NDUFS1: variants seen among roughly 807,000 people sequenced by gnomAD.
NDUFS1 encodes NADH-ubiquinone oxidoreductase 75 kDa subunit, mitochondrial.
NDUFS1 carries 61 observed loss-of-function variants against 84.4 expected under a neutral mutation model. The observed-to-expected ratio is 0.72, with a 90% CI of 0.59 to 0.89. The LOEUF (loss-of-function observed/expected upper bound fraction) is 0.89. Among genes scored for constraint, NDUFS1 ranks in the 40% least tolerant of loss-of-function variants. The probability of loss-of-function intolerance (pLI) is 0.00; values close to 1 mark genes in which losing one functional copy is unlikely to be tolerated. For missense variants in NDUFS1, 891 were observed against 890.0 expected (o/e 1.00, Z -0.01); for synonymous variants, 275 against 290.0 (o/e 0.95, Z 0.53).
intron 13 of NDUFS1, among the ~76,000 whole-genome samples, chr2:206,137,265 G>A (rs751066632): frequency 2.6e-5 from 4 of 152,108 alleles, no homozygotes; most frequent in Non-Finnish European, 4.4e-5. Flanking sequence ...CACAAAGTCA[G>A]GAGTTGGAGA....
At position 206,116,593 on chromosome 2, in the gene NDUFS1, T is replaced by C; in HGVS notation, c.*7592A>G. On this transcript the variant is annotated 3_prime_UTR_variant, in exon 19 of 19. Coordinates refer to ENST00000233190, the MANE Select transcript of NDUFS1 (RefSeq NM_005006.7). The stretch of plus-strand genomic sequence containing the variant: ...GGCAGAAGTAAATTTCTTTATAAAT[T>C]ACCCAGTCTGGGCCTGGTGTGTTGG... The C allele has an allele frequency of 1.9e-6, 1 of 536,186 alleles. No individual in the cohort carries two copies. Among genetic ancestry groups the C allele is most frequent in the South Asian group, 1.9e-5 (1 of 51,494 alleles). The allele number at this position is 536,186 out of a possible 1,614,324, so 33.2% of individuals were successfully genotyped here.
rs1470438518 is a variant in NDUFS1 at position 206,115,744 on chromosome 2, T to C, written c.*8441A>G. ...AATGGAAAGATCATTAAGTATTTCA[T>C]CCCAAGTCCAGGTATGGACATACAC... On this transcript the variant is annotated 3_prime_UTR_variant, in exon 19 of 19. Coordinates refer to ENST00000233190, the MANE Select transcript of NDUFS1 (RefSeq NM_005006.7). 1.2e-5 allele frequency: 5 copies of C among 404,118 alleles called. No individual in the cohort carries two copies. The highest frequency in any genetic ancestry group is 7.7e-5 in the South Asian group (4 of 51,902). The allele number at this position is 404,118 out of a possible 1,614,324, so 25.0% of individuals were successfully genotyped here. A position where few individuals can be genotyped will look rare whatever the true frequency, so the allele number is the denominator to read the frequency against.
chr2:206,127,362 C>T lies in NDUFS1; in HGVS notation c.1884+435G>A, dbSNP rs543043926. On this transcript the variant is annotated intron_variant, in intron 16 of 18. Coordinates refer to ENST00000233190, the MANE Select transcript of NDUFS1 (RefSeq NM_005006.7). ...CCAGCCTGGCCAACATGGCGAAACCCCATCTCTACTAAAAATATAAAAATT... is the reference window on the plus strand; with the variant it reads ...CCAGCCTGGCCAACATGGCGAAACCTCATCTCTACTAAAAATATAAAAATT... 2.0e-5 allele frequency among the ~76,000 whole-genome samples: 3 copies of T among 152,220 alleles called. No individual in the cohort carries two copies. The East Asian group carries it at 5.8e-4, about 29-fold the overall frequency.
intron 3 of NDUFS1, 114 bp downstream of exon 3, chr2:206,152,305 G>T: frequency 1.3e-6 from 1 of 780,142 alleles, no homozygotes; most frequent in Non-Finnish European, 2.2e-6. Context: ...ATATAACTTT[G>T]CTGTGTATAG....
Position 206,130,199 on chromosome 2 carries a change from C to T in NDUFS1, c.1597G>A (p.Gly533Arg). The change falls in exon 15 of 19, where the codon GGG becomes AGG. Residue 533 changes from glycine to arginine, a missense_variant. Physicochemically the swap from Gly to Arg is moderately radical, Grantham distance 125 (BLOSUM62 -2). Transcript: ENST00000233190. Reference protein sequence around the residue: ...VAALDLGYKPGVEAIRKNPPK... With the variant: ...VAALDLGYKPRVEAIRKNPPK... The stretch of plus-strand genomic sequence containing the variant: ...GGGTTCTTCCGAATTGCTTCCACCC[C>T]AGGCTTATAGCCAAGGTCCAAAGCA... 6.2e-7 allele frequency: 1 copy of T among 1,614,184 alleles called. No homozygotes were observed. Among genetic ancestry groups the T allele is most frequent in the Non-Finnish European group, 8.5e-7 (1 of 1,180,034 alleles).
chr2:206,157,906 C>T (rs944225891), intron 1 of NDUFS1, among the ~76,000 whole-genome samples: 1 of 151,752 alleles, frequency 6.6e-6, no homozygotes, highest in African/African-American at 2.4e-5. Flanking sequence ...TTCTTGCCTT[C>T]CAAGGTACCA....
Position 206,152,519 on chromosome 2 carries a change from C to CAA in NDUFS1, c.62-11_62-10dup. ...TGTGGCAGTTGTTCGAACTGACCAT[C>CAA]AAAGATATTGAAGCGAAAAACAGAT... is the stretch of plus-strand genomic sequence containing the variant. On this transcript the variant is annotated splice_polypyrimidine_tract_variant and intron_variant, in intron 2 of 18. Coordinates refer to ENST00000233190, the MANE Select transcript of NDUFS1 (RefSeq NM_005006.7). The CAA allele has an allele frequency of 6.2e-7, 1 of 1,612,398 alleles. No homozygotes were observed. Among genetic ancestry groups the CAA allele is most frequent in the Non-Finnish European group, 8.5e-7 (1 of 1,178,496 alleles).
intron 4 of NDUFS1, 90 bp from the exon 5 acceptor site, chr2:206,149,186 A>C (rs1197113496): frequency 2.1e-6 from 2 of 962,486 alleles, no homozygotes; most frequent in African/African-American, 3.3e-5. Flanking sequence ...ATTATATAAA[A>C]ACATTAAATT....
At chr2:206,135,229 T>C (rs1337933588) in intron 13 of NDUFS1, among the ~76,000 whole-genome samples, 1 of 151,944 alleles carries the variant, frequency 6.6e-6, no homozygotes, top group African/African-American at 2.4e-5. Context: ...GGTTTCACCA[T>C]TTTGCCCAGG....
chr2:206,142,176 A>C (rs1691988757), intron 11 of NDUFS1, 107 bp from the exon 12 acceptor site: 6 of 935,370 alleles, frequency 6.4e-6, no homozygotes, highest in African/African-American at 5.0e-5. Flanking sequence ...CAAACAAAAA[A>C]TTTTATGAAG....
rs1690913552 is a variant in NDUFS1, at chr2:206,115,227, T to C, written c.*8958A>G. ...AGGGGCTATTGGGATGGAATGAATT[T>C]ATTTTGCATGTGAGGACATGAATCT... is the stretch of plus-strand genomic sequence containing the variant. On this transcript the variant is annotated 3_prime_UTR_variant, in exon 19 of 19. Transcript: ENST00000233190. 1 of 152,282 alleles carries C rather than the reference T, an allele frequency of 6.6e-6. No individual in the cohort carries two copies. The allele number at this position is 152,282 out of a possible 1,614,324, so 9.4% of individuals were successfully genotyped here.
intron 1 of NDUFS1, among the ~76,000 whole-genome samples, chr2:206,155,716 C>T (rs1207651987): frequency 6.6e-6 from 1 of 151,398 alleles, no homozygotes; most frequent in Non-Finnish European, 1.5e-5. Context: ...ATACGCCTGG[C>T]CAATTTTTTT....
intron 1 of NDUFS1, among the ~76,000 whole-genome samples, chr2:206,158,183 C>T (rs1386713653): frequency 2.6e-5 from 4 of 151,958 alleles, no homozygotes; most frequent in African/African-American, 9.7e-5. Context: ...AGGATGGTCT[C>T]GATCTCCTGG....
intron 13 of NDUFS1, 138 bp from the exon 14 acceptor site, chr2:206,133,243 C>G: frequency 2.9e-6 from 2 of 680,536 alleles, no homozygotes; most frequent in Non-Finnish European, 2.5e-6. Context: ...GCCCAACATA[C>G]AGACACACAT....
chr2:206,139,926 T>C (rs910302380), intron 12 of NDUFS1, among the ~76,000 whole-genome samples: 1 of 144,108 alleles, frequency 6.9e-6, no homozygotes, highest in African/African-American at 2.6e-5. Context: ...ATGAAACTAA[T>C]TGTAATGTAT....
At chr2:206,154,612 C>A (rs746534238) in intron 1 of NDUFS1, among the ~76,000 whole-genome samples, 11 of 152,150 alleles carry the variant, frequency 7.2e-5, no homozygotes, top group Non-Finnish European at 1.6e-4. Context: ...ACCAAAACTT[C>A]TTTTTATTTG....
Position 206,115,589 on chromosome 2 carries a change from G to T in NDUFS1, c.*8596C>A, listed in dbSNP as rs73065773. 2.7e-5 allele frequency: 5 copies of T among 185,116 alleles called. No homozygotes were observed. Among genetic ancestry groups the T allele is most frequent in the Admixed American group, 6.0e-5 (1 of 16,602 alleles). 11.5% of individuals were successfully genotyped at this position (185,116 alleles called of 1,614,324 possible). A position where few individuals can be genotyped will look rare whatever the true frequency, so the allele number is the denominator to read the frequency against. Reference sequence around the variant, plus strand: ...GAAGAAGTGAGTATTTTATTATTTTGCTGTACAGCTGTTGCTTCACTATAT... The same window carrying T: ...GAAGAAGTGAGTATTTTATTATTTTTCTGTACAGCTGTTGCTTCACTATAT... On this transcript the variant is annotated 3_prime_UTR_variant, in exon 19 of 19. Transcript: ENST00000233190.
intron 8 of NDUFS1, among the ~76,000 whole-genome samples, chr2:206,145,740 C>G (rs532915889): frequency 6.6e-6 from 1 of 152,232 alleles, no homozygotes; most frequent in African/African-American, 2.4e-5. Context: ...TCCTCTCCAC[C>G]CCCTCAAAAT....
intron 1 of NDUFS1, among the ~76,000 whole-genome samples, chr2:206,156,708 A>G (rs917422366): frequency 3.3e-5 from 5 of 152,384 alleles, no homozygotes; most frequent in Non-Finnish European, 7.3e-5. Context: ...AATTCTGCAT[A>G]CTTATCATAG....
Sources: allele counts gnomAD v4.1 joint callset (sites outside exome capture counted in the v4.1 genomes callset), GRCh38; gene constraint gnomAD v4.1.1; transcripts MANE v1.5; gene names NCBI Gene and HGNC (gene_info 2026-07-23, HGNC 2026-07-21).